QTMAN: variants seen among roughly 807,000 people sequenced by gnomAD.
The protein encoded by QTMAN is queuosine-tRNA mannosyltransferase, also known as tRNA-queuosine alpha-mannosyltransferase.
the QTMAN span, among the ~76,000 whole-genome samples, chr2:144,035,138 T>C: frequency 6.6e-6 from 1 of 152,206 alleles, no homozygotes; most frequent in Non-Finnish European, 1.5e-5. Context: ...TAATGAGTTC[T>C]TGTCCTACTT....
At chr2:143,978,129 C>T in the QTMAN span, among the ~76,000 whole-genome samples, 1 of 152,162 alleles carries the variant, frequency 6.6e-6, no homozygotes. Context: ...TATTCCCATT[C>T]TCATTTTCTT....
the QTMAN span, among the ~76,000 whole-genome samples, chr2:144,019,452 G>GTGTGTGTC: frequency 6.9e-6 from 1 of 145,938 alleles, no homozygotes; most frequent in East Asian, 2.0e-4. Flanking sequence ...GTGTGTGTGT[G>GTGTGTGTC]TGTGTGTGTG....
chr2:144,307,923 A>T, the QTMAN span, among the ~76,000 whole-genome samples: 159 of 152,318 alleles, frequency 1.0e-3, no homozygotes, highest in African/African-American at 3.8e-3. Context: ...CACTGAATTC[A>T]CACAATGGAA....
chr2:144,075,439 T>C, the QTMAN span, among the ~76,000 whole-genome samples: 1 of 152,244 alleles, frequency 6.6e-6, no homozygotes, highest in South Asian at 2.1e-4. Flanking sequence ...GTCTCAAGTA[T>C]TGGCTCCTTG....
the QTMAN span, among the ~76,000 whole-genome samples, chr2:143,978,478 T>C: frequency 5.3e-5 from 8 of 152,198 alleles, no homozygotes; most frequent in Non-Finnish European, 1.2e-4. Context: ...TGATTTCCAA[T>C]CTCACTGGAT....
the QTMAN span, among the ~76,000 whole-genome samples, chr2:144,190,342 T>A: frequency 2.6e-5 from 4 of 152,192 alleles, no homozygotes; most frequent in African/African-American, 4.8e-5. Context: ...AATAAGCAAG[T>A]TATATTAACC....
chr2:144,167,544 C>T, the QTMAN span, among the ~76,000 whole-genome samples: 7 of 152,108 alleles, frequency 4.6e-5, no homozygotes, highest in South Asian at 2.1e-4. Context: ...TGGTTTCCCC[C>T]ATGCTGTTCT....
At chr2:144,291,462 T>C in the QTMAN span, among the ~76,000 whole-genome samples, 2 of 152,232 alleles carry the variant, frequency 1.3e-5, no homozygotes. Flanking sequence ...CAGTTCACAG[T>C]CTACCCAAAA....
At chr2:144,037,003 C>T in the QTMAN span, among the ~76,000 whole-genome samples, 2 of 152,192 alleles carry the variant, frequency 1.3e-5, no homozygotes, top group African/African-American at 4.8e-5. Context: ...TATGCTAAGG[C>T]AAAGAAACAA....
the QTMAN span, among the ~76,000 whole-genome samples, chr2:144,266,968 A>G: frequency 6.6e-6 from 1 of 152,210 alleles, no homozygotes; most frequent in Admixed American, 6.5e-5. Flanking sequence ...AGGACATTAG[A>G]GGTATTGGAA....
At chr2:143,954,836 T>C in the QTMAN span, among the ~76,000 whole-genome samples, 1 of 152,130 alleles carries the variant, frequency 6.6e-6, no homozygotes, top group African/African-American at 2.4e-5. Context: ...ACCAGTTAAA[T>C]AACAGAGTTC....
chr2:144,117,597 T>C, the QTMAN span, among the ~76,000 whole-genome samples: 6 of 152,120 alleles, frequency 3.9e-5, no homozygotes, highest in East Asian at 5.8e-4. Flanking sequence ...GTGATAAACA[T>C]TGTAATTCTT....
At chr2:144,029,329 A>G in the QTMAN span, among the ~76,000 whole-genome samples, 1 of 152,156 alleles carries the variant, frequency 6.6e-6, no homozygotes, top group Admixed American at 6.6e-5. Context: ...TGTTTGATGA[A>G]TTTATATATT....
At chr2:144,328,134 A>G in the QTMAN span, among the ~76,000 whole-genome samples, 7 of 152,100 alleles carry the variant, frequency 4.6e-5, no homozygotes, top group Non-Finnish European at 8.8e-5. Flanking sequence ...TATTTTTAGT[A>G]GAGATGGGGT....
At chr2:144,273,276 T>G in the QTMAN span, among the ~76,000 whole-genome samples, 131 of 152,230 alleles carry the variant, frequency 8.6e-4, no homozygotes, top group African/African-American at 3.0e-3. Context: ...AAATGCATTC[T>G]CTTTTTTTTC....
the QTMAN span, among the ~76,000 whole-genome samples, chr2:143,984,304 G>C: frequency 6.6e-6 from 1 of 152,128 alleles, no homozygotes; most frequent in Admixed American, 6.5e-5. Context: ...TCACACAAGA[G>C]GTGAAAAAGC....
At chr2:144,050,076 A>G in the QTMAN span, among the ~76,000 whole-genome samples, 2 of 152,208 alleles carry the variant, frequency 1.3e-5, no homozygotes, top group Non-Finnish European at 1.5e-5. Flanking sequence ...AATAATACCT[A>G]GATTTCAAAT....
the QTMAN span, among the ~76,000 whole-genome samples, chr2:143,979,245 T>G: frequency 6.6e-6 from 1 of 150,382 alleles, no homozygotes; most frequent in Non-Finnish European, 1.5e-5. Flanking sequence ...TTGAGAGTAA[T>G]AGAATTTATA....
At chr2:144,108,331 G>C in the QTMAN span, among the ~76,000 whole-genome samples, 13 of 152,138 alleles carry the variant, frequency 8.5e-5, no homozygotes, top group Non-Finnish European at 1.8e-4. Context: ...GTTTGCAGAT[G>C]ACATGATTGT....
Sources: gnomAD v4.1 joint callset for allele counts (sites outside exome capture counted in the v4.1 genomes callset) on GRCh38, gnomAD v4.1.1 for gene constraint, MANE v1.5 for transcripts, NCBI Gene and HGNC (gene_info 2026-07-23, HGNC 2026-07-21) for gene names.